Variants in CEP128 observed in about 807,000 individuals in gnomAD.
CEP128 encodes the protein centrosomal protein 128, also known as centrosomal protein 128kDa.
Under a neutral mutation model 156.7 loss-of-function variants are expected in CEP128, and 132 were observed. The ratio of observed to expected loss-of-function variants is 0.84; its 90% confidence interval spans 0.73 to 0.97. CEP128 has a LOEUF of 0.97. Among genes scored for constraint, CEP128 ranks in the 50% least tolerant of loss-of-function variants. The pLI is 0.00. For synonymous variants in CEP128, 469 were observed against 448.9 expected, an observed-to-expected ratio of 1.04 and a Z score of -0.57; for missense variants, 1,252 against 1,281.9, an observed-to-expected ratio of 0.98 and a Z score of 0.36.
intron 19 of CEP128, among the ~76,000 whole-genome samples, chr14:80,663,967 C>T (rs1895507017): frequency 6.6e-6 from 1 of 152,212 alleles, no homozygotes; most frequent in Non-Finnish European, 1.5e-5. Flanking sequence ...CCACCGCCTA[C>T]ATCTCTACAA....
At chr14:80,651,802 T>C (rs1204831075) in intron 19 of CEP128, among the ~76,000 whole-genome samples, 5 of 152,160 alleles carry the variant, frequency 3.3e-5, no homozygotes, top group Non-Finnish European at 5.9e-5. Flanking sequence ...TGATTTCCAT[T>C]CTTTTGCATT....
chr14:80,642,431 C>A (rs1894456418), intron 19 of CEP128, among the ~76,000 whole-genome samples: 1 of 152,108 alleles, frequency 6.6e-6, no homozygotes, highest in Non-Finnish European at 1.5e-5. Flanking sequence ...CACCTGAAAC[C>A]CCAGACTTTG....
intron 20 of CEP128, among the ~76,000 whole-genome samples, chr14:80,567,316 G>C (rs911049805): frequency 1.8e-4 from 28 of 152,162 alleles, no homozygotes; most frequent in African/African-American, 6.5e-4. Context: ...GTACGGGTTT[G>C]TGGGGTGAAG....
intron 13 of CEP128, among the ~76,000 whole-genome samples, chr14:80,806,548 T>C (rs1306298639): frequency 6.6e-6 from 1 of 152,198 alleles, no homozygotes; most frequent in African/African-American, 2.4e-5. Flanking sequence ...AGACTGATAA[T>C]TTCAATACTG....
intron 19 of CEP128, among the ~76,000 whole-genome samples, chr14:80,657,648 C>T (rs1895232864): frequency 6.6e-6 from 1 of 152,070 alleles, no homozygotes; most frequent in Non-Finnish European, 1.5e-5. Flanking sequence ...GAGACTCTGT[C>T]TCAAAAACAA....
At chr14:80,897,126 G>A (rs1222362566) in intron 7 of CEP128, among the ~76,000 whole-genome samples, 2 of 152,084 alleles carry the variant, frequency 1.3e-5, no homozygotes, top group East Asian at 3.8e-4. Context: ...TCCACACAGT[G>A]GAATAACAAA....
chr14:80,713,652 T>C (rs950182893), intron 19 of CEP128, among the ~76,000 whole-genome samples: 5 of 152,328 alleles, frequency 3.3e-5, no homozygotes, highest in South Asian at 2.1e-4. Context: ...CAAGGTCTTA[T>C]TGTTCTTTAA....
At chr14:80,622,753 A>G (rs1474613398) in intron 19 of CEP128, among the ~76,000 whole-genome samples, 2 of 151,116 alleles carry the variant, frequency 1.3e-5, no homozygotes, top group South Asian at 4.2e-4. Flanking sequence ...TCAAAACCAC[A>G]ATGAGATACC....
chr14:80,487,313 CAAG>C (rs1244309666), downstream of CEP128, among the ~76,000 whole-genome samples: 3 of 152,172 alleles, frequency 2.0e-5, no homozygotes, highest in Non-Finnish European at 2.9e-5. Context: ...ATCAATTCAA[CAAG>C]AAGAGCTAAC....
At chr14:80,900,207 A>T (rs966809504) in intron 6 of CEP128, among the ~76,000 whole-genome samples, 178 bp from the exon 7 acceptor site, 3 of 152,378 alleles carry the variant, frequency 2.0e-5, no homozygotes, top group South Asian at 2.1e-4. Flanking sequence ...ACAAATTTTT[A>T]AAAGCTGTAT....
chr14:80,719,195 G>A (rs1177939833), intron 19 of CEP128, among the ~76,000 whole-genome samples: 1 of 152,126 alleles, frequency 6.6e-6, no homozygotes, highest in African/African-American at 2.4e-5. Context: ...AGAAGTTACT[G>A]CCCCTTTCCT....
intron 2 of CEP128, among the ~76,000 whole-genome samples, chr14:80,946,817 C>T (rs1282792530): frequency 6.6e-6 from 1 of 152,198 alleles, no homozygotes; most frequent in Non-Finnish European, 1.5e-5. Context: ...TCCGTGTCCC[C>T]ACCCAAATGT....
At chr14:80,862,659 G>T in intron 9 of CEP128, 98 bp downstream of exon 9, 1 of 789,830 alleles carries the variant, frequency 1.3e-6, no homozygotes. Context: ...CTTCTCAGAT[G>T]GGTTGAATTA....
At chr14:80,644,731 T>C (rs934249152) in intron 19 of CEP128, among the ~76,000 whole-genome samples, 2 of 152,166 alleles carry the variant, frequency 1.3e-5, no homozygotes, top group African/African-American at 4.8e-5. Flanking sequence ...TATATTTCTA[T>C]AAAATTAAGT....
intron 7 of CEP128, 101 bp downstream of exon 7, chr14:80,899,837 C>T (rs1883427278): frequency 1.2e-6 from 1 of 826,920 alleles, no homozygotes; most frequent in East Asian, 2.5e-5. Flanking sequence ...TGTATACAAA[C>T]ACAACATTTT....
chr14:80,709,026 G>A (rs961566170), intron 19 of CEP128, among the ~76,000 whole-genome samples: 5 of 151,298 alleles, frequency 3.3e-5, no homozygotes, highest in African/African-American at 1.2e-4. Context: ...TTTTAAAATT[G>A]TAAGTTTTAG....
intron 23 of CEP128, among the ~76,000 whole-genome samples, chr14:80,506,328 T>G (rs902771099): frequency 1.7e-5 from 2 of 114,646 alleles, no homozygotes; most frequent in Non-Finnish European, 3.6e-5. Context: ...GCTCAGGATT[T>G]GAAACTCTTT....
intron 20 of CEP128, among the ~76,000 whole-genome samples, chr14:80,577,587 C>T (rs10148198): frequency 0.028 from 4,285 of 152,180 alleles, 214 homozygotes; most frequent in African/African-American, 0.097. Flanking sequence ...CTGCTGCCAC[C>T]CAATCCAGGT....
At chr14:80,776,151 A>T (rs1900778573) in intron 16 of CEP128, among the ~76,000 whole-genome samples, 1 of 151,838 alleles carries the variant, frequency 6.6e-6, no homozygotes, top group Non-Finnish European at 1.5e-5. Flanking sequence ...TCAACATATC[A>T]AATTTTTCAC....
Sources: gnomAD v4.1 joint callset for allele counts (sites outside exome capture counted in the v4.1 genomes callset) on GRCh38, gnomAD v4.1.1 for gene constraint, MANE v1.5 for transcripts, NCBI Gene and HGNC (gene_info 2026-07-23, HGNC 2026-07-21) for gene names.